The following MLLT6 variants were observed in gnomAD, a reference collection of about 807,000 sequenced individuals.
MLLT6 encodes protein AF-17.
A neutral mutation model predicts 103.0 loss-of-function variants in MLLT6; 22 were observed. The observed-to-expected ratio is 0.21, with a 90% CI of 0.15 to 0.31. MLLT6 has a LOEUF of 0.31. MLLT6 is among the 10% of genes least tolerant of loss of function. MLLT6 has a pLI of 1.00. For missense variants in MLLT6, 1,199 were observed against 1,441.7 expected, an observed-to-expected ratio of 0.83 and a Z score of 2.73; for synonymous variants, 606 against 623.5, an observed-to-expected ratio of 0.97 and a Z score of 0.42.
In MLLT6 at chr17:38,720,503, G is replaced by A; in HGVS notation, c.2287G>A (p.Ala763Thr). ...CGTGCAGCTCTCTGTGCCCTTCCCT[G>A]CCCTGCCTGCTGCCCTGCCTGCCGC... is the stretch of plus-strand genomic sequence containing the variant. Reference protein sequence around the residue: ...LNVQLSVPFPALPAALPAANG... With the variant: ...LNVQLSVPFPTLPAALPAANG... The change falls in exon 15 of 20, where the codon GCC becomes ACC. Residue 763 changes from alanine to threonine, a missense_variant. Physicochemically the swap from Ala to Thr is moderately conservative, Grantham distance 58. Coordinates refer to ENST00000621332, the MANE Select transcript of MLLT6 (RefSeq NM_005937.4). 1 of 1,612,462 alleles carries A rather than the reference G, an allele frequency of 6.2e-7. No individual in the cohort carries two copies. Among genetic ancestry groups the A allele is most frequent in the South Asian group, 1.1e-5 (1 of 91,006 alleles).
rs1255775866 is a variant in MLLT6 at position 38,720,448 on chromosome 17, G to A, written c.2232G>A (p.Thr744=). The A allele has an allele frequency of 6.8e-6, 11 of 1,612,808 alleles. No homozygotes were observed. Among genetic ancestry groups the A allele is most frequent in the Non-Finnish European group, 8.5e-6 (10 of 1,179,990 alleles). ...QRLQEQILSL[T]AKKERLQILN... ...TGCAAGAGCAGATCCTGAGCCTGAC[G>A]GCCAAAAAGGAGCGGCTGCAGATTC... Residue 744 remains threonine (T), a synonymous_variant, in exon 15 of 20, where the codon ACG becomes ACA. Coordinates refer to ENST00000621332, the MANE Select transcript of MLLT6 (RefSeq NM_005937.4).
chr17:38,719,786 G>C lies in MLLT6; in HGVS notation c.2046G>C (p.Gln682His). 6.2e-7 allele frequency: 1 copy of C among 1,613,432 alleles called. No homozygotes were observed. Among genetic ancestry groups the C allele is most frequent in the Non-Finnish European group, 8.5e-7 (1 of 1,179,838 alleles). The change falls in exon 14 of 20, where the codon CAG (glutamine) becomes CAC (histidine). Residue 682 changes from glutamine to histidine, a missense_variant. This residue lies in a region of MLLT6 where 1,034 missense variants were observed against 1,091.5 expected (regional missense o/e 0.95). Coordinates refer to ENST00000621332, the MANE Select transcript of MLLT6 (RefSeq NM_005937.4). ...GCAGCCTCCCCGCACTCTTCGACCA[G>C]ACAGCCTCTGCACCCTGTGGGGGCG... is the stretch of plus-strand genomic sequence containing the variant. ...PISSLPALFDQTASAPCGGGQ... is the reference protein window; with the variant it reads ...PISSLPALFDHTASAPCGGGQ...
At chr17:38,720,968 T>G (rs1905699854) in intron 16 of MLLT6, 1 of 592,674 alleles carries the variant, frequency 1.7e-6, no homozygotes. Context: ...CAGCGCTGCT[T>G]CTTAAGATAG....
chr17:38,714,063 AG>A (rs1479667036), intron 8 of MLLT6: 4 of 152,254 alleles, frequency 2.6e-5, no homozygotes, highest in African/African-American at 9.6e-5. Context: ...ACGGCATGCC[AG>A]GCTGTGTTCT....
chr17:38,721,857 C>A, intron 16 of MLLT6, 21 bp from the exon 17 acceptor site: 4 of 1,511,782 alleles, frequency 2.6e-6, no homozygotes, highest in East Asian at 2.5e-5. Flanking sequence ...TCTGACCCCT[C>A]CCTTCCCCCT....
chr17:38,711,780 C>G (rs1905148427), intron 6 of MLLT6, 67 bp from the exon 7 acceptor site: 1 of 1,450,816 alleles, frequency 6.9e-7, no homozygotes, highest in Non-Finnish European at 9.1e-7. Context: ...GATCCTCTAA[C>G]CTTCTGGAAG....
At chr17:38,713,146 C>T (rs1020577847) in intron 8 of MLLT6, 1 of 667,714 alleles carries the variant, frequency 1.5e-6, no homozygotes, top group African/African-American at 1.8e-5. Flanking sequence ...GAGGACATCC[C>T]CTACGCCCCA....
chr17:38,722,307 C>T (rs1190548777), intron 17 of MLLT6, 80 bp downstream of exon 17: 1 of 1,109,448 alleles, frequency 9.0e-7, no homozygotes, highest in Non-Finnish European at 1.2e-6. Context: ...CCCAAAACAC[C>T]CACAATCCCT....
intron 6 of MLLT6, among the ~76,000 whole-genome samples, chr17:38,710,828 C>T (rs1031364339): frequency 1.3e-5 from 2 of 152,258 alleles, no homozygotes; most frequent in African/African-American, 2.4e-5. Context: ...TCATAAGTTA[C>T]GTGGTCACCG....
chr17:38,723,127 C>T (rs749286723), intron 18 of MLLT6, among the ~76,000 whole-genome samples: 3 of 152,218 alleles, frequency 2.0e-5, no homozygotes, highest in Non-Finnish European at 4.4e-5. Flanking sequence ...ACACCACCCT[C>T]AACCACAGCA....
rs553787225 is a variant in MLLT6 at position 38,709,670 on chromosome 17, G to A, written c.552+95G>A. 4.9e-4 allele frequency: 462 copies of A among 952,516 alleles called. No homozygotes were observed. Among genetic ancestry groups the A allele is most frequent in the Non-Finnish European group, 7.0e-4 (422 of 598,920 alleles). The allele number at this position is 952,516 out of a possible 1,614,324, so 59.0% of individuals were successfully genotyped here. A position where few individuals can be genotyped will look rare whatever the true frequency, so the allele number is the denominator to read the frequency against. ...TGGGCCAGGCCAGTGCCTGGTGCTA[G>A]GAGGACAGAGAGGGAAAAAACCCAG... On this transcript the variant is annotated intron_variant, in intron 6 of 19. Transcript: ENST00000621332. The surrounding 1 kb of genome is among the most constrained non-coding windows in gnomAD (Gnocchi z 4.3).
chr17:38,727,133 GTT>G lies in MLLT6; in HGVS notation c.*1550_*1551del, dbSNP rs757431772. ...TTTCTGTTTGGGTTTTTGTTGTTGGGTTTTTTTTTTTTTTTTAATAAAGAAAA... is the reference window on the plus strand; with the variant it reads ...TTTCTGTTTGGGTTTTTGTTGTTGGGTTTTTTTTTTTTTTAATAAAGAAAA... On this transcript the variant is annotated 3_prime_UTR_variant, in exon 20 of 20. Transcript: ENST00000621332. 1.0e-3 allele frequency: 216 copies of G among 209,524 alleles called. No homozygotes were observed. The highest frequency in any genetic ancestry group is 4.1e-3 in the Middle Eastern group (3 of 734). The allele number at this position is 209,524 out of a possible 1,614,324, so 13.0% of individuals were successfully genotyped here. A position where few individuals can be genotyped will look rare whatever the true frequency, so the allele number is the denominator to read the frequency against.
rs1906082965 is a variant in MLLT6 at position 38,727,186 on chromosome 17, A to T, written c.*1588A>T. On this transcript the variant is annotated 3_prime_UTR_variant, in exon 20 of 20. Transcript: ENST00000621332. ...GAAGATGTGTATATTTTTGGCAACG[A>T]CAGAAACGTAGTGCAGATATATTTT... 4.3e-6 allele frequency: 1 copy of T among 230,002 alleles called. No individual in the cohort carries two copies. The highest frequency in any genetic ancestry group is 1.8e-4 in the South Asian group (1 of 5,470). 14.2% of individuals were successfully genotyped at this position (230,002 alleles called of 1,614,324 possible).
chr17:38,723,506 G>C (rs1393173901), intron 18 of MLLT6, among the ~76,000 whole-genome samples: 1 of 152,034 alleles, frequency 6.6e-6, no homozygotes, highest in Non-Finnish European at 1.5e-5. Context: ...ACAAAACAGG[G>C]AGTTGAAAAA....
In MLLT6 at chr17:38,705,289, C is replaced by G. The variant is rs1270782087; in HGVS notation, c.-344C>G. On this transcript the variant is annotated 5_prime_UTR_variant, in exon 1 of 20. Coordinates refer to ENST00000621332, the MANE Select transcript of MLLT6 (RefSeq NM_005937.4). ...CCGCGATGTGCCACTCGGCGCCTCC[C>G]CCGCCGGGCTCGGGCTACGCGGCGG... Among the ~76,000 whole-genome samples the G allele has an allele frequency of 6.9e-6, 1 of 145,778 alleles. No individual in the cohort carries two copies.
intron 8 of MLLT6, chr17:38,713,655 C>T (rs1425805098): frequency 6.6e-6 from 1 of 152,380 alleles, no homozygotes; most frequent in Non-Finnish European, 1.5e-5. Flanking sequence ...CCTTGTCATT[C>T]ATGCCCTCTG....
At position 38,720,447 on chromosome 17, in the gene MLLT6, C is replaced by T. The variant is rs1470860710; in HGVS notation, c.2231C>T (p.Thr744Met). 3.7e-6 allele frequency: 6 copies of T among 1,612,800 alleles called. No individual in the cohort carries two copies. Among genetic ancestry groups the T allele is most frequent in the Admixed American group, 3.3e-5 (2 of 60,012 alleles). Residue 744 changes from threonine (T) to methionine (M), a missense_variant, in exon 15 of 20, where the codon ACG (threonine) becomes ATG (methionine). Physicochemically the swap from Thr to Met is moderately conservative, Grantham distance 81 (BLOSUM62 -1). This residue lies in a region of MLLT6 where 1,034 missense variants were observed against 1,091.5 expected (regional missense o/e 0.95). Coordinates refer to ENST00000621332, the MANE Select transcript of MLLT6 (RefSeq NM_005937.4). ...CTGCAAGAGCAGATCCTGAGCCTGACGGCCAAAAAGGAGCGGCTGCAGATT... is the reference window on the plus strand; with the variant it reads ...CTGCAAGAGCAGATCCTGAGCCTGATGGCCAAAAAGGAGCGGCTGCAGATT... ...QRLQEQILSL[T>M]AKKERLQILN...
Position 38,724,756 on chromosome 17 carries a change from C to A in MLLT6, c.3020C>A (p.Ala1007Glu), listed in dbSNP as rs150198262. Reference protein sequence around the residue: ...LAGSSTPLLSAGTPGLLPTAS... With the variant: ...LAGSSTPLLSEGTPGLLPTAS... ...GGAAGCTCCACCCCGCTGCTGTCTGCGGGTACCCCTGGCCTGCTGCCCACA... is the reference window on the plus strand; with the variant it reads ...GGAAGCTCCACCCCGCTGCTGTCTGAGGGTACCCCTGGCCTGCTGCCCACA... Residue 1007 changes from alanine (A) to glutamate (E), a missense_variant, in exon 19 of 20, where the codon GCG becomes GAG. Coordinates refer to ENST00000621332, the MANE Select transcript of MLLT6 (RefSeq NM_005937.4). The surrounding 1 kb of genome is among the most constrained non-coding windows in gnomAD (Gnocchi z 5.4). 2 of 1,609,136 alleles carry A rather than the reference C, an allele frequency of 1.2e-6. No individual in the cohort carries two copies. The highest frequency in any genetic ancestry group is 1.7e-6 in the Non-Finnish European group (2 of 1,178,140).
chr17:38,725,506 G>A (rs766272771), intron 19 of MLLT6, 51 bp from the exon 20 acceptor site: 1 of 1,557,754 alleles, frequency 6.4e-7, no homozygotes, highest in South Asian at 1.1e-5. Flanking sequence ...TTATCTGGGG[G>A]TTAGGACCTG....
Sources: gnomAD v4.1 joint callset for allele counts (sites outside exome capture counted in the v4.1 genomes callset) on GRCh38, gnomAD v4.1.1 for gene constraint, gnomAD v4.1.1 regional missense constraint, Gnocchi (gnomAD v3.1) non-coding constraint, MANE v1.5 for transcripts, NCBI Gene and HGNC (gene_info 2026-07-23, HGNC 2026-07-21) for gene names.